Variants in FRMD4B observed in about 807,000 individuals in gnomAD.
FRMD4B encodes the protein FERM domain-containing protein 4B.
In FRMD4B, 74 loss-of-function variants were observed where a neutral mutation model predicts 141.5. That is an observed-to-expected ratio of 0.52 (90% CI 0.43 to 0.63). The LOEUF is 0.63. FRMD4B is among the 30% of genes least tolerant of loss of function. The pLI is 0.00. For synonymous variants in FRMD4B, 506 were observed against 467.9 expected (o/e 1.08, Z -1.05); for missense variants, 1,366 against 1,253.4 (o/e 1.09, Z -1.36).
chr3:69,172,563 G>A (rs940681693), intron 22 of FRMD4B, among the ~76,000 whole-genome samples: 1 of 151,994 alleles, frequency 6.6e-6, no homozygotes, highest in Non-Finnish European at 1.5e-5. Flanking sequence ...AGTACTCTTC[G>A]AATTGAGGGA....
chr3:69,275,598 G>GT (rs916664390), intron 5 of FRMD4B, among the ~76,000 whole-genome samples: 4 of 151,712 alleles, frequency 2.6e-5, no homozygotes, highest in African/African-American at 9.7e-5. Flanking sequence ...TACCCAGCTA[G>GT]TTTTTTTAAT....
At chr3:69,279,109 C>T (rs934021896) in intron 5 of FRMD4B, among the ~76,000 whole-genome samples, 1 of 152,112 alleles carries the variant, frequency 6.6e-6, no homozygotes, top group Admixed American at 6.5e-5. Context: ...ATACTACACA[C>T]ATACAAATGA....
At chr3:69,182,488 G>C in intron 20 of FRMD4B, 110 bp downstream of exon 20, 1 of 983,972 alleles carries the variant, frequency 1.0e-6, no homozygotes, top group South Asian at 2.1e-5. Flanking sequence ...CATAAAACAA[G>C]GTCCTGCTAC....
intron 1 of FRMD4B, among the ~76,000 whole-genome samples, chr3:69,335,507 G>A (rs1366267259): frequency 2.0e-5 from 3 of 151,870 alleles, no homozygotes; most frequent in African/African-American, 7.3e-5. Context: ...GAGTAGCTGG[G>A]ATTACAGGCA....
chr3:69,462,626 A>G (rs1181735821), intron 1 of FRMD4B, among the ~76,000 whole-genome samples: 1 of 152,216 alleles, frequency 6.6e-6, no homozygotes, highest in Admixed American at 6.5e-5. Context: ...ACCCTTAACC[A>G]TGCATAGAAC....
chr3:69,477,800 T>A (rs1444146411), intron 1 of FRMD4B, among the ~76,000 whole-genome samples: 1 of 148,922 alleles, frequency 6.7e-6, no homozygotes, highest in Admixed American at 6.6e-5. Flanking sequence ...TCCTTGTACC[T>A]CTGTTAGAAT....
At chr3:69,431,315 G>A (rs1230282345) in intron 2 of FRMD4B, among the ~76,000 whole-genome samples, 1 of 152,192 alleles carries the variant, frequency 6.6e-6, no homozygotes, top group Non-Finnish European at 1.5e-5. Context: ...TGTTTGAGAA[G>A]TACACTGAGC....
chr3:69,172,112 G>T, intron 22 of FRMD4B, 131 bp from the exon 23 acceptor site: 1 of 722,478 alleles, frequency 1.4e-6, no homozygotes, highest in South Asian at 1.6e-5. Context: ...AGAGATAAGG[G>T]AAAGGAGAAG....
chr3:69,380,935 A>G (rs1704103721), intron 1 of FRMD4B, among the ~76,000 whole-genome samples: 1 of 152,192 alleles, frequency 6.6e-6, no homozygotes, highest in African/African-American at 2.4e-5. Context: ...TTCTGTCATC[A>G]TTTTCCACCT....
At chr3:69,405,391 A>G (rs1232112042) in intron 2 of FRMD4B, among the ~76,000 whole-genome samples, 2 of 152,190 alleles carry the variant, frequency 1.3e-5, no homozygotes, top group Non-Finnish European at 2.9e-5. Context: ...TGACTATCAT[A>G]ACCACTGTGG....
At chr3:69,510,998 T>C (rs755964902) in intron 1 of FRMD4B, among the ~76,000 whole-genome samples, 4 of 152,222 alleles carry the variant, frequency 2.6e-5, no homozygotes, top group African/African-American at 9.6e-5. Flanking sequence ...GGGTCATTTA[T>C]AAATAGAGTA....
intron 1 of FRMD4B, among the ~76,000 whole-genome samples, chr3:69,525,262 C>A (rs1370854948): frequency 6.6e-6 from 1 of 150,682 alleles, no homozygotes; most frequent in South Asian, 2.1e-4. Flanking sequence ...TTTTCAGACT[C>A]CCCTTTCTCA....
Position 69,178,616 on chromosome 3 carries a change from G to C in FRMD4B, c.2852-1960C>G, listed in dbSNP as rs372282471. Among the ~76,000 whole-genome samples, 152 of 151,220 alleles carry C rather than the reference G, an allele frequency of 1.0e-3. 1 individual carries two copies. Among genetic ancestry groups the C allele is most frequent in the African/African-American group, 3.3e-3 (137 of 41,182 alleles). ...TGAGCCAAGGAGTTTGAGACTGAGT[G>C]AGGTATAATAGTATCACTGCACTCC... is the stretch of plus-strand genomic sequence containing the variant. On this transcript the variant is annotated intron_variant, in intron 21 of 22. Transcript: ENST00000398540.
chr3:69,354,877 A>G (rs2107447213), intron 1 of FRMD4B, among the ~76,000 whole-genome samples: 1 of 152,354 alleles, frequency 6.6e-6, no homozygotes, highest in Admixed American at 6.5e-5. Flanking sequence ...ACTTGATGAT[A>G]TCAGTAGAAA....
At chr3:69,425,556 T>C (rs1705062546) in intron 2 of FRMD4B, among the ~76,000 whole-genome samples, 1 of 152,224 alleles carries the variant, frequency 6.6e-6, no homozygotes, top group Non-Finnish European at 1.5e-5. Context: ...TGCAATTCAA[T>C]AACATGCATG....
At chr3:69,173,087 C>T (rs2092606078) in intron 22 of FRMD4B, among the ~76,000 whole-genome samples, 1 of 152,162 alleles carries the variant, frequency 6.6e-6, no homozygotes. Flanking sequence ...ACTGATCTCA[C>T]TTCTGGAGAC....
intron 4 of FRMD4B, chr3:69,293,056 A>G: frequency 2.2e-6 from 1 of 452,094 alleles, no homozygotes; most frequent in Non-Finnish European, 4.4e-6. Context: ...TCCCATTAGC[A>G]TTTCTTTTTC....
At chr3:69,248,840 A>G (rs953631075) in intron 7 of FRMD4B, among the ~76,000 whole-genome samples, 1 of 152,252 alleles carries the variant, frequency 6.6e-6, no homozygotes, top group African/African-American at 2.4e-5. Flanking sequence ...CCCTTAACTA[A>G]GCAGCTGATG....
chr3:69,446,378 G>A (rs1322614836), intron 1 of FRMD4B, among the ~76,000 whole-genome samples: 2 of 151,476 alleles, frequency 1.3e-5, no homozygotes, highest in African/African-American at 2.4e-5. Flanking sequence ...TGTCATCCTG[G>A]CTGGAGTGCA....
Sources: allele counts gnomAD v4.1 joint callset (sites outside exome capture counted in the v4.1 genomes callset), GRCh38; gene constraint gnomAD v4.1.1; transcripts MANE v1.5; gene names NCBI Gene and HGNC (gene_info 2026-07-23, HGNC 2026-07-21).